WDFY2: variants seen among roughly 807,000 people sequenced by gnomAD.
The protein encoded by WDFY2 is WD repeat and FYVE domain containing 2, also known as WD repeat and FYVE domain-containing protein 2.
A neutral mutation model predicts 56.4 loss-of-function variants in WDFY2; 36 were observed. The ratio of observed to expected loss-of-function variants is 0.64; its 90% CI spans 0.49 to 0.84. The LOEUF is 0.84. Ranked by LOEUF, WDFY2 falls within the 40% of genes least tolerant of loss-of-function variation. The pLI, the probability that WDFY2 is intolerant of heterozygous loss-of-function variation, is 0.00. For missense variants in WDFY2, 444 were observed against 512.2 expected, an observed-to-expected ratio of 0.87 and a Z score of 1.29; for synonymous variants, 176 against 183.7, an observed-to-expected ratio of 0.96 and a Z score of 0.34.
chr13:51,761,711 G>C lies in WDFY2; in HGVS notation c.*1942G>C, dbSNP rs1218230841. ...CTGTCCTCAGGTACTGCCCCTACGT[G>C]TGTTTCCCTGGGATGGGGCCTTGCT... On this transcript the variant is annotated 3_prime_UTR_variant, in exon 12 of 12. Coordinates refer to ENST00000298125, the MANE Select transcript of WDFY2 (RefSeq NM_052950.4). 1 of 152,232 alleles carries C rather than the reference G, an allele frequency of 6.6e-6. No homozygotes were observed. The highest frequency in any genetic ancestry group is 1.5e-5 in the Non-Finnish European group (1 of 68,054). 9.4% of individuals were successfully genotyped at this position (152,232 alleles called of 1,614,324 possible). A position where few individuals can be genotyped will look rare whatever the true frequency, so the allele number is the denominator to read the frequency against.
intron 3 of WDFY2, among the ~76,000 whole-genome samples, chr13:51,686,742 T>C (rs1956068127): frequency 6.6e-6 from 1 of 152,158 alleles, no homozygotes; most frequent in Non-Finnish European, 1.5e-5. Context: ...TACTGTGTTT[T>C]CTATTAACCC....
At chr13:51,727,656 A>C (rs780668742) in intron 5 of WDFY2, 22 bp from the exon 6 acceptor site, 2 of 1,602,800 alleles carry the variant, frequency 1.2e-6, no homozygotes, top group African/African-American at 2.7e-5. Context: ...TTGAGAAACA[A>C]TCCTTAATGC....
chr13:51,757,004 A>G (rs750489422), intron 10 of WDFY2, among the ~76,000 whole-genome samples: 8 of 152,178 alleles, frequency 5.3e-5, no homozygotes, highest in Non-Finnish European at 1.2e-4. Context: ...GGGCAAATCT[A>G]TGTTATCTCT....
At chr13:51,741,974 C>T (rs1291321719) in intron 7 of WDFY2, among the ~76,000 whole-genome samples, 1 of 152,200 alleles carries the variant, frequency 6.6e-6, no homozygotes, top group Non-Finnish European at 1.5e-5. Flanking sequence ...CAAGGCTGCC[C>T]TTTGCTTTCC....
chr13:51,696,387 C>A (rs1203173489), intron 3 of WDFY2, among the ~76,000 whole-genome samples: 1 of 152,178 alleles, frequency 6.6e-6, no homozygotes, highest in East Asian at 1.9e-4. Context: ...TATTTATGTT[C>A]ATCTAGCTAC....
At chr13:51,593,781 A>T (rs930758250) in intron 1 of WDFY2, 1 of 152,310 alleles carries the variant, frequency 6.6e-6, no homozygotes, top group East Asian at 1.9e-4. Flanking sequence ...TTCTATAGAT[A>T]TATTAAGAAT....
chr13:51,664,781 GTCAT>G (rs1474397370), intron 2 of WDFY2, among the ~76,000 whole-genome samples: 1 of 152,182 alleles, frequency 6.6e-6, no homozygotes, highest in Non-Finnish European at 1.5e-5. Flanking sequence ...AAAGGACTGA[GTCAT>G]GGCCCTATTG....
chr13:51,633,971 G>A (rs913049146), intron 1 of WDFY2, among the ~76,000 whole-genome samples: 13 of 152,238 alleles, frequency 8.5e-5, no homozygotes, highest in African/African-American at 2.9e-4. Context: ...GGAGAGAATC[G>A]TTGTTAAGAG....
At chr13:51,608,965 G>A (rs373788529) in intron 1 of WDFY2, among the ~76,000 whole-genome samples, 2 of 151,900 alleles carry the variant, frequency 1.3e-5, no homozygotes, top group African/African-American at 4.8e-5. Context: ...AATATCATTG[G>A]CTGTCATCTA....
intron 1 of WDFY2, among the ~76,000 whole-genome samples, chr13:51,602,013 T>G (rs548156484): frequency 2.0e-5 from 3 of 152,368 alleles, no homozygotes; most frequent in Admixed American, 2.0e-4. Context: ...GCTGTGAGTA[T>G]TGGCATTACA....
intron 4 of WDFY2, among the ~76,000 whole-genome samples, chr13:51,708,323 C>T (rs536896829): frequency 4.5e-5 from 1 of 22,468 alleles, no homozygotes; most frequent in Admixed American, 6.9e-4. Context: ...AAGACCCCAT[C>T]TCTAAAAAAA....
chr13:51,668,761 A>G (rs775262087), intron 2 of WDFY2, among the ~76,000 whole-genome samples: 32 of 152,296 alleles, frequency 2.1e-4, no homozygotes, highest in Non-Finnish European at 8.8e-5. Flanking sequence ...TTGAACCAGA[A>G]CATCTCATGA....
chr13:51,710,502 G>C (rs1350728241), intron 4 of WDFY2, among the ~76,000 whole-genome samples: 6 of 152,090 alleles, frequency 3.9e-5, no homozygotes, highest in Non-Finnish European at 7.4e-5. Flanking sequence ...CAAATTGTCT[G>C]TGTTTGCGGA....
intron 2 of WDFY2, among the ~76,000 whole-genome samples, chr13:51,671,305 T>C (rs748153850): frequency 4.6e-5 from 7 of 152,236 alleles, no homozygotes; most frequent in Non-Finnish European, 8.8e-5. Flanking sequence ...TTTTCCATAG[T>C]GGTTGTACTA....
At chr13:51,656,088 T>G (rs1028520175) in intron 1 of WDFY2, among the ~76,000 whole-genome samples, 3 of 151,726 alleles carry the variant, frequency 2.0e-5, no homozygotes, top group Non-Finnish European at 4.4e-5. Context: ...TAATCTTTGT[T>G]ATTTCCTTCC....
intron 9 of WDFY2, among the ~76,000 whole-genome samples, chr13:51,756,070 T>C (rs1180576779): frequency 6.6e-6 from 1 of 152,166 alleles, no homozygotes; most frequent in Admixed American, 6.5e-5. Context: ...CCTAGTATGA[T>C]CATTGGAAAG....
At chr13:51,589,688 AC>A (rs1343321218) in intron 1 of WDFY2, 5 of 152,156 alleles carry the variant, frequency 3.3e-5, no homozygotes. Context: ...AAAGTTGAGG[AC>A]TTTTCAGAGT....
At chr13:51,725,500 C>A (rs1297332360) in intron 5 of WDFY2, among the ~76,000 whole-genome samples, 1 of 152,022 alleles carries the variant, frequency 6.6e-6, no homozygotes, top group African/African-American at 2.4e-5. Flanking sequence ...CCAGCCTGGG[C>A]AACAAAGTGA....
chr13:51,701,647 G>T (rs1951987311), intron 3 of WDFY2, among the ~76,000 whole-genome samples: 1 of 151,944 alleles, frequency 6.6e-6, no homozygotes, highest in Non-Finnish European at 1.5e-5. Flanking sequence ...GCAGTGAACT[G>T]GTAATTTTAT....
Sources: gnomAD v4.1 joint callset for allele counts (sites outside exome capture counted in the v4.1 genomes callset) on GRCh38, gnomAD v4.1.1 for gene constraint, MANE v1.5 for transcripts, NCBI Gene and HGNC (gene_info 2026-07-23, HGNC 2026-07-21) for gene names.